XRCC4: variants seen among roughly 807,000 people sequenced by gnomAD.
XRCC4 encodes the protein X-ray repair cross complementing 4.
Under a neutral mutation model 39.1 loss-of-function variants are expected in XRCC4, and 28 were observed. That is an observed-to-expected ratio of 0.72 (90% CI 0.53 to 0.98). The LOEUF (loss-of-function observed/expected upper bound fraction) is 0.98, where lower values mean the gene tolerates loss of function less well. Ranked by LOEUF, XRCC4 falls within the 50% of genes least tolerant of loss-of-function variation. XRCC4 has a pLI of 0.00. For missense variants in XRCC4, 350 were observed against 376.4 expected (o/e 0.93, Z 0.58); for synonymous variants, 123 against 126.4 (o/e 0.97, Z 0.18).
At chr5:83,368,427 T>G in the XRCC4 span, among the ~76,000 whole-genome samples, 1 of 152,126 alleles carries the variant, frequency 6.6e-6, no homozygotes, top group Non-Finnish European at 1.5e-5. Context: ...AGCCTAAAAC[T>G]GTTAGGAGGG....
chr5:83,127,679 T>A (rs1580258915), intron 3 of XRCC4, among the ~76,000 whole-genome samples: 1 of 152,114 alleles, frequency 6.6e-6, no homozygotes. Context: ...CATGATCAGG[T>A]CTGGAGCAAT....
chr5:83,280,803 A>G (rs1298261182), intron 7 of XRCC4, among the ~76,000 whole-genome samples: 3 of 152,196 alleles, frequency 2.0e-5, no homozygotes, highest in African/African-American at 4.8e-5. Context: ...CATTCAAACC[A>G]TATCAATCTG....
At chr5:83,168,382 A>G (rs181404557) in intron 3 of XRCC4, among the ~76,000 whole-genome samples, 171 of 152,294 alleles carry the variant, frequency 1.1e-3, no homozygotes, top group African/African-American at 3.8e-3. Flanking sequence ...ATAAAGCAAC[A>G]ATGGACTCAA....
At chr5:83,269,421 T>G (rs1181684968) in intron 7 of XRCC4, among the ~76,000 whole-genome samples, 1 of 150,702 alleles carries the variant, frequency 6.6e-6, no homozygotes, top group Non-Finnish European at 1.5e-5. Context: ...GGCCAATTGG[T>G]GTAATAGTTC....
chr5:83,332,546 G>A (rs1420200131), intron 7 of XRCC4, among the ~76,000 whole-genome samples: 2 of 152,068 alleles, frequency 1.3e-5, no homozygotes, highest in Admixed American at 6.6e-5. Flanking sequence ...ATGACTTTCA[G>A]GAAAAATGGA....
At chr5:83,284,192 G>A (rs1754659067) in intron 7 of XRCC4, among the ~76,000 whole-genome samples, 1 of 151,570 alleles carries the variant, frequency 6.6e-6, no homozygotes, top group African/African-American at 2.4e-5. Context: ...TTAGAAAAGA[G>A]GGATTTTGTA....
chr5:83,251,182 T>C (rs757237287), intron 6 of XRCC4, among the ~76,000 whole-genome samples: 10 of 152,186 alleles, frequency 6.6e-5, no homozygotes, highest in Non-Finnish European at 1.2e-4. Flanking sequence ...AAATGAATTC[T>C]TAAGGTCTGA....
intron 3 of XRCC4, among the ~76,000 whole-genome samples, chr5:83,194,349 A>G (rs957698551): frequency 1.1e-4 from 17 of 152,206 alleles, no homozygotes; most frequent in African/African-American, 4.1e-4. Flanking sequence ...TTATATAGGT[A>G]AAACTTTCTT....
chr5:83,103,470 A>G (rs559479259), intron 1 of XRCC4, among the ~76,000 whole-genome samples: 13 of 152,176 alleles, frequency 8.5e-5, no homozygotes, highest in African/African-American at 2.9e-4. Flanking sequence ...CATACTATCA[A>G]TTGTAAACTG....
intron 3 of XRCC4, among the ~76,000 whole-genome samples, chr5:83,185,740 A>C (rs900246340): frequency 2.6e-5 from 4 of 152,148 alleles, no homozygotes; most frequent in African/African-American, 9.6e-5. Context: ...ATATATATAA[A>C]TACTTAATTT....
the XRCC4 span, among the ~76,000 whole-genome samples, chr5:83,369,933 C>T: frequency 6.6e-6 from 1 of 152,118 alleles, no homozygotes; most frequent in African/African-American, 2.4e-5. Context: ...GATGTTTTAA[C>T]AAAAGCCATT....
At chr5:83,372,492 A>G in the XRCC4 span, among the ~76,000 whole-genome samples, 1 of 152,178 alleles carries the variant, frequency 6.6e-6, no homozygotes, top group African/African-American at 2.4e-5. Context: ...GTTCCCAAGC[A>G]GTAGGTCTTG....
intron 3 of XRCC4, among the ~76,000 whole-genome samples, chr5:83,152,128 A>T (rs1285403736): frequency 1.3e-5 from 2 of 152,260 alleles, no homozygotes; most frequent in Non-Finnish European, 2.9e-5. Flanking sequence ...TAAAGTATTG[A>T]ATTAAATGTT....
chr5:83,320,369 A>C (rs1756018995), intron 7 of XRCC4, among the ~76,000 whole-genome samples: 1 of 148,920 alleles, frequency 6.7e-6, no homozygotes, highest in Non-Finnish European at 1.5e-5. Context: ...AAAAATAAAA[A>C]ATAAAAAAAT....
chr5:83,233,597 A>T (rs2112823240), intron 6 of XRCC4, among the ~76,000 whole-genome samples: 1 of 152,088 alleles, frequency 6.6e-6, no homozygotes, highest in South Asian at 2.1e-4. Flanking sequence ...TATATATAAA[A>T]GAATTATAGG....
intron 7 of XRCC4, among the ~76,000 whole-genome samples, chr5:83,350,996 A>T (rs1410565643): frequency 6.6e-6 from 1 of 152,164 alleles, no homozygotes; most frequent in African/African-American, 2.4e-5. Context: ...CCCAAATCTC[A>T]TGTCTAATTG....
intron 6 of XRCC4, among the ~76,000 whole-genome samples, chr5:83,249,099 C>T (rs866706515): frequency 3.1e-4 from 47 of 151,872 alleles, no homozygotes; most frequent in African/African-American, 1.1e-3. Flanking sequence ...TTTTTTATAC[C>T]AGAAGTAACC....
chr5:83,324,980 T>TG (rs1247375359), intron 7 of XRCC4, among the ~76,000 whole-genome samples: 4 of 152,156 alleles, frequency 2.6e-5, no homozygotes, highest in African/African-American at 9.6e-5. Context: ...TTGGCTACTT[T>TG]GGGAACCCTT....
At chr5:83,226,668 C>T (rs966520080) in intron 6 of XRCC4, among the ~76,000 whole-genome samples, 2 of 152,172 alleles carry the variant, frequency 1.3e-5, no homozygotes, top group South Asian at 4.2e-4. Context: ...TGGTACACTG[C>T]CTGGGATAGG....
Sources: gnomAD v4.1 joint callset for allele counts (sites outside exome capture counted in the v4.1 genomes callset) on GRCh38, gnomAD v4.1.1 for gene constraint, MANE v1.5 for transcripts, NCBI Gene and HGNC (gene_info 2026-07-23, HGNC 2026-07-21) for gene names.